Variants in TRIP10 observed in about 807,000 individuals in gnomAD.
TRIP10 encodes thyroid hormone receptor interactor 10.
Under a neutral mutation model 80.9 loss-of-function variants are expected in TRIP10, and 54 were observed. That is an observed-to-expected ratio of 0.67 (90% CI 0.54 to 0.84). The LOEUF (loss-of-function observed/expected upper bound fraction) is 0.84, where lower values mean the gene tolerates loss of function less well. Ranked by LOEUF, TRIP10 falls within the 40% of genes least tolerant of loss-of-function variation. The pLI is 0.00. For missense variants in TRIP10, 773 were observed against 815.3 expected (o/e 0.95, Z 0.63); for synonymous variants, 321 against 307.2 (o/e 1.04, Z -0.47).
chr19:6,750,993 C>T, intron 14 of TRIP10, 70 bp from the exon 15 acceptor site: 1 of 1,450,000 alleles, frequency 6.9e-7, no homozygotes. Flanking sequence ...GGCTCTGTCT[C>T]AAAAATAAAA....
In TRIP10 at chr19:6,746,575, G is replaced by C. The variant is rs755480065; in HGVS notation, c.1262+14G>C. 1 of 1,603,378 alleles carries C rather than the reference G, an allele frequency of 6.2e-7. No homozygotes were observed. Among genetic ancestry groups the C allele is most frequent in the Admixed American group, 1.7e-5 (1 of 59,996 alleles). ...GGTTGACCAGAGGTAAGGTGGTGGGGTAGGGAAGGACAGGCAAGGAACATG... is the reference window on the plus strand; with the variant it reads ...GGTTGACCAGAGGTAAGGTGGTGGGCTAGGGAAGGACAGGCAAGGAACATG... On this transcript the variant is annotated intron_variant, in intron 11 of 14. Transcript: ENST00000313244. This position sits in a 1 kb window ranked among gnomAD's most constrained non-coding sequence, Gnocchi z 6.2.
At position 6,750,317 on chromosome 19, in the gene TRIP10, G is replaced by T. The variant is rs200944790; in HGVS notation, c.1421G>T (p.Arg474Leu). 1.2e-6 allele frequency: 2 copies of T among 1,614,026 alleles called. No individual in the cohort carries two copies. Among genetic ancestry groups the T allele is most frequent in the Non-Finnish European group, 1.7e-6 (2 of 1,180,000 alleles). ...GCGTGGCTGGCAGAAGCTGAAAGTC[G>T]AGTCCTTAGCAACCGGGGAGACAGC... ...YEAWLAEAES[R>L]VLSNRGDSLS... is the part of the protein sequence containing the mutation. The change falls in exon 13 of 15, where the codon CGA becomes CTA. Residue 474 changes from arginine to leucine, a missense_variant. Transcript: ENST00000313244.
intron 11 of TRIP10, among the ~76,000 whole-genome samples, chr19:6,749,279 G>C (rs1303088713): frequency 6.6e-6 from 1 of 152,028 alleles, no homozygotes; most frequent in East Asian, 1.9e-4. Context: ...AATAGGACCT[G>C]TATGCAGTAG....
At position 6,744,451 on chromosome 19, in the gene TRIP10, G is replaced by A; in HGVS notation, c.643-103G>A. 1 of 1,527,212 alleles carries A rather than the reference G, an allele frequency of 6.5e-7. No individual in the cohort carries two copies. The highest frequency in any genetic ancestry group is 8.9e-7 in the Non-Finnish European group (1 of 1,125,974). The allele number at this position is 1,527,212 out of a possible 1,614,324, so 94.6% of individuals were successfully genotyped here. A position where few individuals can be genotyped will look rare whatever the true frequency, so the allele number is the denominator to read the frequency against. On this transcript the variant is annotated intron_variant, in intron 7 of 14. Coordinates refer to ENST00000313244, the MANE Select transcript of TRIP10 (RefSeq NM_001288962.2). The surrounding 1 kb of genome is among the most constrained non-coding windows in gnomAD (Gnocchi z 4.9). ...TGTCTTCCCCTCCAGACTGGCTTGG[G>A]GCTGGGGCCAGCGTGGAGCGCGATC...
In TRIP10 at chr19:6,751,150, G is replaced by A. The variant is rs1409345288; in HGVS notation, c.1745G>A (p.Arg582Lys). The A allele has an allele frequency of 2.5e-6, 4 of 1,613,708 alleles. No homozygotes were observed. In the African/African-American group the frequency reaches 4.0e-5, roughly 16 times the overall value. Reference sequence around the variant, plus strand: ...AAAGGGGACGGCTGGACCCGGGTCAGGCGGAAAGAGGGAGGCGAGGGCTAC... The same window carrying A: ...AAAGGGGACGGCTGGACCCGGGTCAAGCGGAAAGAGGGAGGCGAGGGCTAC... ...EDKGDGWTRV[R>K]RKEGGEGYVP... The change falls in exon 15 of 15, where the codon AGG becomes AAG. Residue 582 changes from arginine to lysine, a missense_variant. Arg to Lys is a conservative substitution (Grantham distance 26). Transcript: ENST00000313244.
At chr19:6,747,852 C>T (rs1030538269) in intron 11 of TRIP10, among the ~76,000 whole-genome samples, 1 of 151,204 alleles carries the variant, frequency 6.6e-6, no homozygotes, top group East Asian at 1.9e-4. Flanking sequence ...TGCCTATAAG[C>T]CCAGCACTTT....
In TRIP10 at chr19:6,746,327, G is replaced by A. The variant is rs551250043; in HGVS notation, c.1153-125G>A. On this transcript the variant is annotated intron_variant, in intron 10 of 14. Coordinates refer to ENST00000313244, the MANE Select transcript of TRIP10 (RefSeq NM_001288962.2). This position sits in a 1 kb window ranked among gnomAD's most constrained non-coding sequence, Gnocchi z 6.2. ...TGGTTGCCCAACCCAGACCTGCTTT[G>A]CTCTGTGCATGGCTTCGCTGTCAAG... The A allele has an allele frequency of 3.3e-5, 50 of 1,523,248 alleles. No individual in the cohort carries two copies. In the South Asian group the frequency reaches 5.8e-4, roughly 18 times the overall value. The allele number at this position is 1,523,248 out of a possible 1,614,324, so 94.4% of individuals were successfully genotyped here. A position where few individuals can be genotyped will look rare whatever the true frequency, so the allele number is the denominator to read the frequency against.
At chr19:6,747,048 G>A (rs1319128640) in intron 11 of TRIP10, among the ~76,000 whole-genome samples, 2 of 152,252 alleles carry the variant, frequency 1.3e-5, no homozygotes, top group Admixed American at 6.5e-5. Flanking sequence ...TCTTGGCCAG[G>A]TGCAGTGGCC....
At chr19:6,747,779 C>T (rs7249848) in intron 11 of TRIP10, among the ~76,000 whole-genome samples, 71 of 145,668 alleles carry the variant, frequency 4.9e-4, no homozygotes, top group African/African-American at 1.6e-3. Context: ...GGTAACACAG[C>T]GAGTCTCTAC....
chr19:6,742,832 C>A, intron 3 of TRIP10, 135 bp from the exon 4 acceptor site: 2 of 1,229,516 alleles, frequency 1.6e-6, no homozygotes, highest in Non-Finnish European at 2.2e-6. Flanking sequence ...GGAATATGGA[C>A]CAGAATTTGT....
intron 7 of TRIP10, 92 bp downstream of exon 7, chr19:6,743,928 C>T: frequency 6.7e-7 from 1 of 1,497,162 alleles, no homozygotes; most frequent in East Asian, 2.3e-5. Context: ...GCTGCAATGT[C>T]CCAGTCCCTA....
chr19:6,743,680 C>G (rs1448640439), intron 6 of TRIP10, 28 bp from the exon 7 acceptor site: 2 of 1,612,864 alleles, frequency 1.2e-6, no homozygotes, highest in Non-Finnish European at 1.7e-6. Context: ...CGGAACCTGG[C>G]AGTACCTTCC....
rs202066006 is a variant in TRIP10, at chr19:6,751,225, C to T, written c.*14C>T. On this transcript the variant is annotated 3_prime_UTR_variant, in exon 15 of 15. Transcript: ENST00000313244. Reference sequence around the variant, plus strand: ...ACGCTCAATTGAACCCTGCCAGAGACGGGAAGAGGGGGGCTGTCGGCTGCT... The same window carrying T: ...ACGCTCAATTGAACCCTGCCAGAGATGGGAAGAGGGGGGCTGTCGGCTGCT... 3.7e-4 allele frequency: 590 copies of T among 1,613,748 alleles called. 10 individuals carry two copies. In the East Asian group the frequency reaches 0.012, roughly 34 times the overall value.
At chr19:6,750,965 C>T in intron 14 of TRIP10, 98 bp from the exon 15 acceptor site, 1 of 1,417,130 alleles carries the variant, frequency 7.1e-7, no homozygotes, top group Middle Eastern at 2.6e-4. Flanking sequence ...CACTGCACTC[C>T]AGCCTGGGCG....
rs1338889205 is a variant in TRIP10 at position 6,746,197 on chromosome 19, G to T, written c.1152+1G>T. On this transcript the variant is annotated splice_donor_variant, in intron 10 of 14. Transcript: ENST00000313244. LOFTEE classifies it high-confidence loss of function. The surrounding 1 kb of genome is among the most constrained non-coding windows in gnomAD (Gnocchi z 6.2). ...CCGCAGCCTTCGAGGCAGCCGTGGG[G>T]TAAGTGAGGCCTCGGGGCAGGAGGA... is the stretch of plus-strand genomic sequence containing the variant. The T allele has an allele frequency of 1.3e-6, 2 of 1,528,838 alleles. No individual in the cohort carries two copies. The highest frequency in any genetic ancestry group is 2.5e-5 in the East Asian group (1 of 40,588). 94.7% of individuals were successfully genotyped at this position (1,528,838 alleles called of 1,614,324 possible). A position where few individuals can be genotyped will look rare whatever the true frequency, so the allele number is the denominator to read the frequency against.
Position 6,746,435 on chromosome 19 carries a change from C to T in TRIP10, c.1153-17C>T, listed in dbSNP as rs1969136318. On this transcript the variant is annotated splice_polypyrimidine_tract_variant and intron_variant, in intron 10 of 14. Coordinates refer to ENST00000313244, the MANE Select transcript of TRIP10 (RefSeq NM_001288962.2). This position sits in a 1 kb window ranked among gnomAD's most constrained non-coding sequence, Gnocchi z 6.2. ...AGACTCCTTGATCCCAAATTCAGCC[C>T]TCTACCCACCTTGCAGACAGTGGTG... The T allele has an allele frequency of 1.9e-6, 3 of 1,613,798 alleles. No homozygotes were observed. The highest frequency in any genetic ancestry group is 1.3e-5 in the African/African-American group (1 of 75,020).
rs1254399046 is a variant in TRIP10 at position 6,750,405 on chromosome 19, C to T, written c.1509C>T (p.Asn503=). 6.2e-7 allele frequency: 1 copy of T among 1,614,176 alleles called. No individual in the cohort carries two copies. Among genetic ancestry groups the T allele is most frequent in the Non-Finnish European group, 8.5e-7 (1 of 1,180,016 alleles). Residue 503 remains asparagine (N), a synonymous_variant, in exon 13 of 15, where the codon AAC becomes AAT. Transcript: ENST00000313244. ...GCGCCCCGCCAGACAGCAGCAGCAA[C>T]AGCGCATCACAGGACACCAAGGAGA... ...PASAPPDSSS[N]SASQDTKESS...
intron 11 of TRIP10, 32 bp from the exon 12 acceptor site, chr19:6,749,902 T>C (rs1363461318): frequency 6.3e-7 from 1 of 1,597,670 alleles, no homozygotes; most frequent in Admixed American, 1.8e-5. Context: ...CGGAAGTATG[T>C]TTTCCTGTCT....
chr19:6,746,079 G>T lies in TRIP10; in HGVS notation c.1035G>T (p.Leu345Phe). Residue 345 changes from leucine to phenylalanine, a missense_variant, in exon 10 of 15, where the codon TTG becomes TTT. Coordinates refer to ENST00000313244, the MANE Select transcript of TRIP10 (RefSeq NM_001288962.2). This position sits in a 1 kb window ranked among gnomAD's most constrained non-coding sequence, Gnocchi z 6.2. ...SPLGGPVPSA[L>F]PNGPPSPRSG... is the part of the protein sequence containing the mutation. Reference sequence around the variant, plus strand: ...TGGGGGGCCCCGTACCCTCGGCATTGCCTAACGGACCCCCGTCCCCCCGCT... The same window carrying T: ...TGGGGGGCCCCGTACCCTCGGCATTTCCTAACGGACCCCCGTCCCCCCGCT... 2 of 1,469,916 alleles carry T rather than the reference G, an allele frequency of 1.4e-6. No individual in the cohort carries two copies. The highest frequency in any genetic ancestry group is 3.0e-5 in the African/African-American group (2 of 67,524). The allele number at this position is 1,469,916 out of a possible 1,614,324, so 91.1% of individuals were successfully genotyped here.
Sources: allele counts gnomAD v4.1 joint callset (sites outside exome capture counted in the v4.1 genomes callset), GRCh38; gene constraint gnomAD v4.1.1; non-coding constraint Gnocchi (gnomAD v3.1); transcripts MANE v1.5; gene names NCBI Gene and HGNC (gene_info 2026-07-23, HGNC 2026-07-21).